DCP1B: variants seen among roughly 807,000 people sequenced by gnomAD.
The protein encoded by DCP1B is mRNA-decapping enzyme 1B.
DCP1B carries 47 observed loss-of-function variants against 60.5 expected under a neutral mutation model. The observed-to-expected ratio is 0.78, with a 90% CI of 0.61 to 0.99. DCP1B has a LOEUF of 0.99. Among genes scored for constraint, DCP1B ranks in the 50% least tolerant of loss-of-function variants. The pLI, the probability that DCP1B is intolerant of heterozygous loss-of-function variation, is 0.00. For synonymous variants in DCP1B, 267 were observed against 280.3 expected (o/e 0.95, Z 0.47); for missense variants, 725 against 756.8 (o/e 0.96, Z 0.49).
intron 2 of DCP1B, among the ~76,000 whole-genome samples, chr12:1,995,093 T>G (rs969473175): frequency 6.6e-6 from 1 of 152,236 alleles, no homozygotes; most frequent in East Asian, 1.9e-4. Flanking sequence ...ATTTAATGTT[T>G]TGTTTAATTG....
downstream of DCP1B, among the ~76,000 whole-genome samples, chr12:1,943,219 C>A (rs1210940924): frequency 6.6e-6 from 1 of 152,188 alleles, no homozygotes; most frequent in Non-Finnish European, 1.5e-5. Context: ...AATTCCTTGA[C>A]ACATACACCC....
At chr12:2,003,717 C>G (rs1420025451) in intron 1 of DCP1B, among the ~76,000 whole-genome samples, 2 of 152,200 alleles carry the variant, frequency 1.3e-5, no homozygotes, top group African/African-American at 4.8e-5. Flanking sequence ...CAGCTTCCTT[C>G]TAAGTGTTAG....
At chr12:1,994,149 A>G (rs2040219369) in intron 2 of DCP1B, among the ~76,000 whole-genome samples, 1 of 152,238 alleles carries the variant, frequency 6.6e-6, no homozygotes, top group African/African-American at 2.4e-5. Flanking sequence ...TCTAACAACT[A>G]CATGTGCATT....
intron 2 of DCP1B, among the ~76,000 whole-genome samples, chr12:1,993,944 A>C (rs1300474050): frequency 1.3e-5 from 2 of 152,356 alleles, no homozygotes; most frequent in East Asian, 3.9e-4. Context: ...CCTGAACTAG[A>C]AGTTTACATA....
At chr12:1,966,571 A>G (rs771411199) in intron 4 of DCP1B, among the ~76,000 whole-genome samples, 7 of 152,182 alleles carry the variant, frequency 4.6e-5, no homozygotes, top group African/African-American at 7.2e-5. Context: ...GCTTATTGCT[A>G]GTAAATAATC....
At chr12:1,959,428 G>C (rs779218696) in intron 5 of DCP1B, among the ~76,000 whole-genome samples, 7 of 152,118 alleles carry the variant, frequency 4.6e-5, no homozygotes, top group Non-Finnish European at 7.3e-5. Flanking sequence ...ATAGACAAAG[G>C]GCCTGAGTGG....
chr12:2,002,566 AG>A (rs1401751472), intron 1 of DCP1B, among the ~76,000 whole-genome samples: 6 of 152,230 alleles, frequency 3.9e-5, no homozygotes, highest in African/African-American at 1.4e-4. Flanking sequence ...TATCTTAAAA[AG>A]GTATCTATCA....
intron 3 of DCP1B, among the ~76,000 whole-genome samples, chr12:1,979,851 C>A (rs994932473): frequency 1.3e-5 from 2 of 152,048 alleles, no homozygotes; most frequent in African/African-American, 4.8e-5. Flanking sequence ...CATAGGTTTC[C>A]AATGTCCAAT....
intron 5 of DCP1B, among the ~76,000 whole-genome samples, chr12:1,961,872 C>G (rs560759038): frequency 3.3e-5 from 5 of 152,310 alleles, no homozygotes; most frequent in African/African-American, 1.2e-4. Flanking sequence ...ATGAGTGTTT[C>G]TGAGAGAGAC....
chr12:1,954,946 C>A (rs2030826134), intron 6 of DCP1B, among the ~76,000 whole-genome samples: 1 of 152,190 alleles, frequency 6.6e-6, no homozygotes, highest in South Asian at 2.1e-4. Flanking sequence ...TCACCGTAAC[C>A]TCAAACTCCT....
chr12:1,955,634 C>T lies in DCP1B; in HGVS notation c.523-74G>A. On this transcript the variant is annotated intron_variant, in intron 5 of 8. Transcript: ENST00000280665. ...GTCTTTTTAAAAGACTACCTTTTTA[C>T]TTCTTATCTAATTGGTAGACGGCTG... 3 of 1,495,972 alleles carry T rather than the reference C, an allele frequency of 2.0e-6. No individual in the cohort carries two copies. The South Asian group carries it at 4.0e-5, about 20-fold the overall frequency. 92.7% of individuals were successfully genotyped at this position (1,495,972 alleles called of 1,614,324 possible). A position where few individuals can be genotyped will look rare whatever the true frequency, so the allele number is the denominator to read the frequency against.
intron 3 of DCP1B, among the ~76,000 whole-genome samples, chr12:1,986,153 A>G (rs188468764): frequency 6.6e-6 from 1 of 152,310 alleles, no homozygotes; most frequent in East Asian, 1.9e-4. Flanking sequence ...TGCCCTATAC[A>G]TATACTAGTC....
At chr12:1,955,296 T>C in intron 6 of DCP1B, 136 bp downstream of exon 6, 1 of 1,107,008 alleles carries the variant, frequency 9.0e-7, no homozygotes, top group Non-Finnish European at 1.2e-6. Context: ...AAATCTGTAT[T>C]CTGAAATCCC....
chr12:1,957,089 C>T (rs1169789268), intron 5 of DCP1B, among the ~76,000 whole-genome samples: 2 of 152,190 alleles, frequency 1.3e-5, no homozygotes, highest in Non-Finnish European at 2.9e-5. Flanking sequence ...TCAGAGTGCT[C>T]AGAATTAATC....
At chr12:1,957,457 T>C (rs2030924452) in intron 5 of DCP1B, among the ~76,000 whole-genome samples, 2 of 152,254 alleles carry the variant, frequency 1.3e-5, no homozygotes, top group Non-Finnish European at 2.9e-5. Context: ...GATTTTTCTT[T>C]TTATATTCTT....
intron 7 of DCP1B, chr12:1,950,356 C>A (rs771049575): frequency 1.4e-6 from 1 of 702,348 alleles, no homozygotes; most frequent in South Asian, 1.5e-5. Context: ...CTTTCTCACT[C>A]GGCTCTTGAT....
In DCP1B at chr12:1,946,231, T is replaced by C. The variant is rs2030415931; in HGVS notation, c.1829A>G (p.Gln610Arg). The change falls in exon 9 of 9, where the codon CAA (glutamine) becomes CGA (arginine). Residue 610 changes from glutamine (Q) to arginine (R), a missense_variant. Physicochemically the swap from Gln to Arg is conservative, Grantham distance 43. Transcript: ENST00000280665. Reference protein sequence around the residue: ...IYEAYLFSMTQAAMKKTM With the variant: ...IYEAYLFSMTRAAMKKTM ...TCACATAGTCTTTTTCATGGCTGCT[T>C]GAGTCATGCTGAAGAGATAGGCTTC... 1 of 1,607,180 alleles carries C rather than the reference T, an allele frequency of 6.2e-7. No homozygotes were observed. Among genetic ancestry groups the C allele is most frequent in the African/African-American group, 1.3e-5 (1 of 74,692 alleles).
At chr12:1,998,945 A>G (rs191042455) in intron 1 of DCP1B, among the ~76,000 whole-genome samples, 43 of 152,256 alleles carry the variant, frequency 2.8e-4, no homozygotes, top group African/African-American at 7.2e-4. Context: ...ACGCCCTTTT[A>G]AAAAAAGCGT....
At chr12:1,970,820 T>C (rs1457940365) in intron 3 of DCP1B, 3 of 275,490 alleles carry the variant, frequency 1.1e-5, no homozygotes, top group South Asian at 3.5e-5. Flanking sequence ...AAGACGAAAA[T>C]ACAAGGTTGA....
Sources: allele counts gnomAD v4.1 joint callset (sites outside exome capture counted in the v4.1 genomes callset), GRCh38; gene constraint gnomAD v4.1.1; transcripts MANE v1.5; gene names NCBI Gene and HGNC (gene_info 2026-07-23, HGNC 2026-07-21).